Variants in TTF1 observed in about 807,000 individuals in gnomAD.
The protein encoded by TTF1 is transcription termination factor 1, also known as transcription termination factor, RNA polymerase I.
TTF1 carries 64 observed loss-of-function variants against 80.2 expected under a neutral mutation model. The ratio of observed to expected loss-of-function variants is 0.80; its 90% CI spans 0.65 to 0.98. The LOEUF is 0.98. Ranked by LOEUF, TTF1 falls within the 50% of genes least tolerant of loss-of-function variation. The pLI is 0.00. For missense variants in TTF1, 1,023 were observed against 1,086.2 expected (o/e 0.94, Z 0.82); for synonymous variants, 372 against 382.7 (o/e 0.97, Z 0.33).
intron 6 of TTF1, among the ~76,000 whole-genome samples, chr9:132,391,713 G>A (rs373904822): frequency 3.3e-5 from 5 of 152,166 alleles, no homozygotes; most frequent in Non-Finnish European, 2.9e-5. Flanking sequence ...AAAAGTCCCC[G>A]CCTGACGGGC....
intron 4 of TTF1, 53 bp downstream of exon 4, chr9:132,398,088 G>A: frequency 6.8e-7 from 1 of 1,467,338 alleles, no homozygotes; most frequent in Non-Finnish European, 9.1e-7. Flanking sequence ...GGGTTATCTT[G>A]TTTATGGCTG....
intron 4 of TTF1, 151 bp downstream of exon 4, chr9:132,397,990 A>C: frequency 1.6e-6 from 1 of 609,354 alleles, no homozygotes; most frequent in Non-Finnish European, 2.6e-6. Context: ...CGTCTCAAAA[A>C]AAAAAAAAAG....
In TTF1 at chr9:132,393,784, ATAT is replaced by A. The variant is rs1157088151; in HGVS notation, c.1857-1581_1857-1579del. ...TTAAAGTACTAAGAAAAGCACTATA[ATAT>A]TATAAATGGATTTTAAGATTAAACA... is the stretch of plus-strand genomic sequence containing the variant. On this transcript the variant is annotated intron_variant, in intron 5 of 10. Coordinates refer to ENST00000334270, the MANE Select transcript of TTF1 (RefSeq NM_007344.4). Among the ~76,000 whole-genome samples, 3 of 152,334 alleles carry A rather than the reference ATAT, an allele frequency of 2.0e-5. No individual in the cohort carries two copies. In the East Asian group the frequency reaches 5.8e-4, roughly 29 times the overall value.
chr9:132,401,962 T>A lies in TTF1; in HGVS notation c.860A>T (p.Glu287Val). Residue 287 changes from glutamate to valine, a missense_variant, in exon 2 of 11, where the codon GAA becomes GTA. Physicochemically the swap from Glu to Val is moderately radical, Grantham distance 121. Transcript: ENST00000334270. ...TTCAGGCATGGCCAATGCCTCAAATTCCTGGTGATTGGACTTTTTCTTCTT... is the reference window on the plus strand; with the variant it reads ...TTCAGGCATGGCCAATGCCTCAAATACCTGGTGATTGGACTTTTTCTTCTT... ...KKKKKKSNHQEFEALAMPEGS... is the reference protein window; with the variant it reads ...KKKKKKSNHQVFEALAMPEGS... 6.2e-7 allele frequency: 1 copy of A among 1,614,050 alleles called. No homozygotes were observed. The highest frequency in any genetic ancestry group is 8.5e-7 in the Non-Finnish European group (1 of 1,180,006).
rs1362711460 is a variant in TTF1, at chr9:132,384,866, G to C, written c.2378+1690C>G. ...AGACGGAGTTGAACCATGTTGGCCAGGCTGGTCTTGAACTCCTGACCTCAG... is the reference window on the plus strand; with the variant it reads ...AGACGGAGTTGAACCATGTTGGCCACGCTGGTCTTGAACTCCTGACCTCAG... On this transcript the variant is annotated intron_variant, in intron 9 of 10. Transcript: ENST00000334270. This position sits in a 1 kb window ranked among gnomAD's most constrained non-coding sequence, Gnocchi z 4.1. Among the ~76,000 whole-genome samples the C allele has an allele frequency of 6.6e-6, 1 of 152,134 alleles. No homozygotes were observed. Among genetic ancestry groups the C allele is most frequent in the Non-Finnish European group, 1.5e-5 (1 of 68,040 alleles).
rs1247951961 is a variant in TTF1 at position 132,401,671 on chromosome 9, C to T, written c.1151G>A (p.Ser384Asn). ...CCTTTTCTTAGACTTCTTCTTTGTA[C>T]TGTTGGATTCCTTGAACCCTTTAAG... ...TALKGFKESN[S>N]TKKKSKKRKL... The change falls in exon 2 of 11, where the codon AGT becomes AAT. Residue 384 changes from serine (S) to asparagine (N), a missense_variant. Physicochemically the swap from Ser to Asn is conservative, Grantham distance 46 (BLOSUM62 1). Coordinates refer to ENST00000334270, the MANE Select transcript of TTF1 (RefSeq NM_007344.4). 1 of 1,614,220 alleles carries T rather than the reference C, an allele frequency of 6.2e-7. No individual in the cohort carries two copies. Among genetic ancestry groups the T allele is most frequent in the Non-Finnish European group, 8.5e-7 (1 of 1,180,038 alleles).
intron 9 of TTF1, 116 bp from the exon 10 acceptor site, chr9:132,379,260 A>G (rs969215628): frequency 3.0e-6 from 2 of 660,506 alleles, no homozygotes; most frequent in Admixed American, 3.6e-5. Context: ...TATCGTAAAC[A>G]TAAGATCATC....
intron 6 of TTF1, 118 bp downstream of exon 6, chr9:132,391,958 A>T (rs1008015989): frequency 6.8e-7 from 1 of 1,478,004 alleles, no homozygotes; most frequent in African/African-American, 1.4e-5. Flanking sequence ...CTTAAGAAAC[A>T]AAGCTCTTGC....
intron 1 of TTF1, among the ~76,000 whole-genome samples, chr9:132,405,028 G>C (rs1389933736): frequency 2.0e-5 from 3 of 149,854 alleles, no homozygotes; most frequent in Non-Finnish European, 4.4e-5. Context: ...TGGGACTACA[G>C]GTGCCCGCCA....
intron 1 of TTF1, among the ~76,000 whole-genome samples, chr9:132,403,131 T>A (rs992482600): frequency 6.6e-6 from 1 of 152,208 alleles, no homozygotes; most frequent in Non-Finnish European, 1.5e-5. Flanking sequence ...AGTGCTGGGA[T>A]TACAGGCGTC....
intron 9 of TTF1, 40 bp downstream of exon 9, chr9:132,386,502 TTATTAAGTCATCTC>T: frequency 2.2e-6 from 3 of 1,360,348 alleles, no homozygotes; most frequent in Non-Finnish European, 2.1e-6. Context: ...GTTATTGTAT[TTATTAAGTCATCTC>T]TATATTTTAA....
intron 1 of TTF1, among the ~76,000 whole-genome samples, chr9:132,405,983 G>A (rs1849859102): frequency 6.6e-6 from 1 of 152,196 alleles, no homozygotes; most frequent in Non-Finnish European, 1.5e-5. Flanking sequence ...CTGGTTAACA[G>A]TGTTTCCCAA....
chr9:132,383,558 G>A (rs1849408949), intron 9 of TTF1, among the ~76,000 whole-genome samples: 1 of 152,188 alleles, frequency 6.6e-6, no homozygotes, highest in Admixed American at 6.5e-5. Context: ...GCGACTATGG[G>A]TAAAGGGGAT....
At chr9:132,399,204 AAAAAAAAAAAG>A (rs1849713924) in intron 3 of TTF1, among the ~76,000 whole-genome samples, 1 of 82,818 alleles carries the variant, frequency 1.2e-5, no homozygotes, top group African/African-American at 3.6e-5. Flanking sequence ...GTCTCAAAAA[AAAAAAAAAAAG>A]AAAAAAAAAA....
In TTF1 at chr9:132,376,013, C is replaced by T. The variant is rs761377515; in HGVS notation, c.2620G>A (p.Gly874Arg). 6.2e-6 allele frequency: 10 copies of T among 1,614,066 alleles called. No homozygotes were observed. In the South Asian group the frequency reaches 1.1e-4, roughly 18 times the overall value. Reference protein sequence around the residue: ...DIFYYEDDSEGEDIEKESEGQ... With the variant: ...DIFYYEDDSEREDIEKESEGQ... ...TCGCTTTCTTTTTCTATGTCCTCTC[C>T]TTCACTATCGTCTTCATAATAAAAG... The change falls in exon 11 of 11, where the codon GGA becomes AGA. Residue 874 changes from glycine to arginine, a missense_variant. By Grantham distance (125) the Gly-to-Arg change is moderately radical. Transcript: ENST00000334270.
intron 4 of TTF1, 72 bp from the exon 5 acceptor site, chr9:132,396,583 C>T: frequency 7.8e-7 from 1 of 1,288,240 alleles, no homozygotes; most frequent in South Asian, 1.2e-5. Flanking sequence ...GAACCCAGAA[C>T]AGCCCTTATA....
chr9:132,387,816 C>T (rs1458801237), intron 8 of TTF1, among the ~76,000 whole-genome samples: 2 of 152,206 alleles, frequency 1.3e-5, no homozygotes, highest in Non-Finnish European at 2.9e-5. Context: ...CCCCATTTTC[C>T]AACGGGCGTA....
chr9:132,386,292 T>C (rs1223324841), intron 9 of TTF1, among the ~76,000 whole-genome samples: 1 of 152,184 alleles, frequency 6.6e-6, no homozygotes. Flanking sequence ...ATGAAAAACA[T>C]ATCCAACTAG....
Position 132,384,760 on chromosome 9 carries a change from G to A in TTF1, c.2378+1796C>T, listed in dbSNP as rs751371917. On this transcript the variant is annotated intron_variant, in intron 9 of 10. Transcript: ENST00000334270. The surrounding 1 kb of genome is among the most constrained non-coding windows in gnomAD (Gnocchi z 4.1). ...CAACCTCCGCCTCCTGGGTTCAAGC[G>A]ATTCTCCTGCCTCAGCCTCCTGAGT... Among the ~76,000 whole-genome samples the A allele has an allele frequency of 3.3e-5, 5 of 152,066 alleles. No homozygotes were observed. Among genetic ancestry groups the A allele is most frequent in the Admixed American group, 6.6e-5 (1 of 15,258 alleles).
Sources: allele counts gnomAD v4.1 joint callset (sites outside exome capture counted in the v4.1 genomes callset), GRCh38; gene constraint gnomAD v4.1.1; non-coding constraint Gnocchi (gnomAD v3.1); transcripts MANE v1.5; gene names NCBI Gene and HGNC (gene_info 2026-07-23, HGNC 2026-07-21).